The following PSMB1 variants were observed in gnomAD, a reference collection of about 807,000 sequenced individuals.
PSMB1 encodes the protein proteasome 20S subunit beta 1.
Under a neutral mutation model 25.4 loss-of-function variants are expected in PSMB1, and 7 were observed. The ratio of observed to expected loss-of-function variants is 0.28; its 90% CI spans 0.16 to 0.52. The LOEUF (loss-of-function observed/expected upper bound fraction) is 0.52, where lower values mean the gene tolerates loss of function less well. Among genes scored for constraint, PSMB1 ranks in the 20% least tolerant of loss-of-function variants. PSMB1 has a pLI of 0.97. For missense variants in PSMB1, 284 were observed against 302.2 expected (o/e 0.94, Z 0.45); for synonymous variants, 119 against 115.0 (o/e 1.03, Z -0.22).
At chr6:170,543,814 T>C (rs887090829) in intron 3 of PSMB1, 84 bp from the exon 4 acceptor site, 15 of 1,272,364 alleles carry the variant, frequency 1.2e-5, no homozygotes, top group Non-Finnish European at 1.6e-5. Flanking sequence ...AGTGAATAAA[T>C]AAATGCATAC....
At chr6:170,547,677 T>C (rs577154281) in intron 2 of PSMB1, among the ~76,000 whole-genome samples, 2 of 152,164 alleles carry the variant, frequency 1.3e-5, no homozygotes, top group African/African-American at 4.8e-5. Flanking sequence ...ACAGAAATCT[T>C]AGAACTTCAA....
chr6:170,544,214 T>C (rs1224526913), intron 3 of PSMB1, among the ~76,000 whole-genome samples: 1 of 104,244 alleles, frequency 9.6e-6, no homozygotes, highest in Non-Finnish European at 1.9e-5. Context: ...TACTATCTGG[T>C]CCTTTACAGA....
chr6:170,537,930 A>G (rs2114974839), intron 4 of PSMB1, among the ~76,000 whole-genome samples: 1 of 152,324 alleles, frequency 6.6e-6, no homozygotes, highest in African/African-American at 2.4e-5. Flanking sequence ...CTTGAAGGAA[A>G]GCACGACTTA....
At chr6:170,551,777 C>T (rs1043295992) in intron 1 of PSMB1, among the ~76,000 whole-genome samples, 6 of 152,198 alleles carry the variant, frequency 3.9e-5, no homozygotes, top group Non-Finnish European at 7.3e-5. Flanking sequence ...CTGACCCTGA[C>T]AGTTTAACGT....
At chr6:170,536,699 A>G (rs758262639) in intron 5 of PSMB1, among the ~76,000 whole-genome samples, 14 of 152,218 alleles carry the variant, frequency 9.2e-5, no homozygotes, top group Non-Finnish European at 1.8e-4. Context: ...TACATATGTA[A>G]AATACGTGAT....
rs1051559910 is a variant in PSMB1, at chr6:170,549,053, A to G, written c.174T>C (p.Ser58=). 3.7e-6 allele frequency: 6 copies of G among 1,613,686 alleles called. No individual in the cohort carries two copies. The African/African-American group carries it at 6.7e-5, about 18-fold the overall frequency. The change falls in exon 2 of 6, where the codon AGT becomes AGC. Residue 58 remains serine (S), a synonymous_variant. Coordinates refer to ENST00000262193, the MANE Select transcript of PSMB1 (RefSeq NM_002793.4). Reference sequence around the variant, plus strand: ...CCCGCGTATGAATTGAAAACCCTTCACTCAATCGAGTATCAGAAGCAACAA... The same window carrying G: ...CCCGCGTATGAATTGAAAACCCTTCGCTCAATCGAGTATCAGAAGCAACAA... ...FAIVASDTRL[S]EGFSIHTRDS...
intron 4 of PSMB1, among the ~76,000 whole-genome samples, chr6:170,538,255 T>C (rs1033846857): frequency 6.6e-6 from 1 of 152,016 alleles, no homozygotes; most frequent in African/African-American, 2.4e-5. Context: ...TCACGAGTCA[T>C]TTACAAGGTA....
intron 4 of PSMB1, among the ~76,000 whole-genome samples, chr6:170,539,539 G>A (rs560529544): frequency 3.3e-5 from 5 of 152,282 alleles, no homozygotes; most frequent in Non-Finnish European, 5.9e-5. Context: ...ATGAAAACAT[G>A]CCCAAGAATA....
rs148258527 is a variant in PSMB1 at position 170,549,271 on chromosome 6, G to T, written c.114-158C>A. On this transcript the variant is annotated intron_variant, in intron 1 of 5. Transcript: ENST00000262193. Reference sequence around the variant, plus strand: ...AAAGATGAGCGGGAAGAGAATGAACGCCTGGCTACGAGTTGTCTGGGAAAA... The same window carrying T: ...AAAGATGAGCGGGAAGAGAATGAACTCCTGGCTACGAGTTGTCTGGGAAAA... The T allele has an allele frequency of 7.7e-4, 395 of 511,074 alleles. 3 individuals carry two copies. The highest frequency in any genetic ancestry group is 6.9e-3 in the African/African-American group (356 of 51,620). 31.7% of individuals were successfully genotyped at this position (511,074 alleles called of 1,614,324 possible). A position where few individuals can be genotyped will look rare whatever the true frequency, so the allele number is the denominator to read the frequency against.
chr6:170,550,907 G>C (rs199878606), intron 1 of PSMB1, among the ~76,000 whole-genome samples: 4 of 25,082 alleles, frequency 1.6e-4, no homozygotes, highest in Admixed American at 5.7e-4. Context: ...GAGGCTGAGG[G>C]GGGGGGGGGG....
chr6:170,543,473 A>G (rs1474642), intron 4 of PSMB1, 128 bp downstream of exon 4: 140,464 of 1,026,384 alleles, frequency 0.14, 10,785 homozygotes, highest in Admixed American at 0.27. Context: ...CATCACTTTC[A>G]TTATCAGAAA....
At chr6:170,537,753 T>C (rs898298202) in intron 4 of PSMB1, among the ~76,000 whole-genome samples, 15 of 152,130 alleles carry the variant, frequency 9.9e-5, no homozygotes, top group Non-Finnish European at 1.6e-4. Flanking sequence ...GCCATGAGAA[T>C]ACACAAAAAT....
At chr6:170,537,202 A>ATAG (rs760729928) in intron 5 of PSMB1, 32 bp downstream of exon 5, 1 of 1,535,108 alleles carries the variant, frequency 6.5e-7, no homozygotes. Context: ...CAAGTTGGAC[A>ATAG]TAGTATCATT....
chr6:170,545,205 A>T (rs1583115279), intron 3 of PSMB1, among the ~76,000 whole-genome samples: 1 of 152,120 alleles, frequency 6.6e-6, no homozygotes, highest in East Asian at 1.9e-4. Flanking sequence ...ACATTTATTT[A>T]CTTCACCACC....
chr6:170,546,871 C>T (rs1261682196), intron 2 of PSMB1, among the ~76,000 whole-genome samples: 1 of 152,032 alleles, frequency 6.6e-6, no homozygotes. Context: ...CTTTTTAAAA[C>T]CCTAAGAAAA....
chr6:170,553,070 TA>T, intron 1 of PSMB1, 59 bp downstream of exon 1: 1 of 1,440,672 alleles, frequency 6.9e-7, no homozygotes, highest in Non-Finnish European at 9.5e-7. Context: ...GACTCCTAAA[TA>T]GGCTTCAGCA....
chr6:170,547,285 AGT>A (rs1778830798), intron 2 of PSMB1, among the ~76,000 whole-genome samples: 1 of 152,262 alleles, frequency 6.6e-6, no homozygotes, highest in African/African-American at 2.4e-5. Flanking sequence ...TAGACTCACC[AGT>A]GAGTACTCAT....
chr6:170,543,180 A>G (rs559026033), intron 4 of PSMB1, among the ~76,000 whole-genome samples: 22 of 152,288 alleles, frequency 1.4e-4, no homozygotes, highest in Non-Finnish European at 2.5e-4. Flanking sequence ...AAAGTTCTGA[A>G]AACACTGGAG....
intron 1 of PSMB1, among the ~76,000 whole-genome samples, chr6:170,552,868 A>G (rs1250414694): frequency 6.6e-6 from 1 of 152,250 alleles, no homozygotes; most frequent in East Asian, 1.9e-4. Context: ...TAAAAACTCA[A>G]ATGACATGAC....
Sources: gnomAD v4.1 joint callset for allele counts (sites outside exome capture counted in the v4.1 genomes callset) on GRCh38, gnomAD v4.1.1 for gene constraint, MANE v1.5 for transcripts, NCBI Gene and HGNC (gene_info 2026-07-23, HGNC 2026-07-21) for gene names.